GEMIN5: variants seen among roughly 807,000 people sequenced by gnomAD.
The protein encoded by GEMIN5 is gem-associated protein 5.
A neutral mutation model predicts 176.9 loss-of-function variants in GEMIN5; 124 were observed. That is an observed-to-expected ratio of 0.70 (90% CI 0.61 to 0.81). The LOEUF is 0.81. GEMIN5 is among the 40% of genes least tolerant of loss of function. The pLI is 0.00. For missense variants in GEMIN5, 1,843 were observed against 1,814.6 expected, an observed-to-expected ratio of 1.02 and a Z score of -0.28; for synonymous variants, 673 against 665.2, an observed-to-expected ratio of 1.01 and a Z score of -0.18.
chr5:154,891,178 AACC>A, intron 26 of GEMIN5, 60 bp downstream of exon 26: 2 of 1,480,002 alleles, frequency 1.4e-6, no homozygotes, highest in South Asian at 1.3e-5. Context: ...TATAGGCATG[AACC>A]ACTGTTCCTA....
chr5:154,916,634 T>C (rs1029694216), intron 13 of GEMIN5, among the ~76,000 whole-genome samples: 5 of 152,076 alleles, frequency 3.3e-5, no homozygotes, highest in Non-Finnish European at 7.4e-5. Flanking sequence ...ACTAAAGGCA[T>C]GCACCTCTAA....
At chr5:154,918,474 T>C (rs907301859) in intron 11 of GEMIN5, among the ~76,000 whole-genome samples, 1 of 152,188 alleles carries the variant, frequency 6.6e-6, no homozygotes, top group Non-Finnish European at 1.5e-5. Flanking sequence ...ACCCACCTCA[T>C]ACATGTCCAC....
At chr5:154,891,829 CA>C in intron 25 of GEMIN5, 87 bp from the exon 26 acceptor site, 1 of 1,341,350 alleles carries the variant, frequency 7.5e-7, no homozygotes, top group Non-Finnish European at 1.0e-6. Context: ...TATTTCTTAT[CA>C]ACCAAGAAGC....
rs767989826 is a variant in GEMIN5, at chr5:154,889,423, G to GA, written c.4263-7dup. On this transcript the variant is annotated splice_polypyrimidine_tract_variant and splice_region_variant and intron_variant, in intron 26 of 27. Transcript: ENST00000285873. ...GCTCATTTTTTTCTTCTTTACTAGTGAAAAAAATAAAAGGTGTAAATTGTA... is the reference window on the plus strand; with the variant it reads ...GCTCATTTTTTTCTTCTTTACTAGTGAAAAAAAATAAAAGGTGTAAATTGTA... 15 of 1,551,272 alleles carry GA rather than the reference G, an allele frequency of 9.7e-6. No homozygotes were observed. The highest frequency in any genetic ancestry group is 1.3e-5 in the Non-Finnish European group (15 of 1,124,880).
chr5:154,921,240 C>A, intron 10 of GEMIN5, 103 bp downstream of exon 10: 1 of 697,238 alleles, frequency 1.4e-6, no homozygotes, highest in South Asian at 1.6e-5. Context: ...CATAAGCAGT[C>A]AGTGCACTAG....
intron 2 of GEMIN5, among the ~76,000 whole-genome samples, chr5:154,936,327 G>C (rs996813723): frequency 2.9e-5 from 4 of 138,496 alleles, no homozygotes; most frequent in African/African-American, 1.1e-4. Context: ...TGAGGCAGGA[G>C]AATGGCGTCA....
At chr5:154,893,775 G>A (rs1399010825) in intron 24 of GEMIN5, among the ~76,000 whole-genome samples, 1 of 152,012 alleles carries the variant, frequency 6.6e-6, no homozygotes, top group Non-Finnish European at 1.5e-5. Flanking sequence ...ATGGAGTCTT[G>A]CTCTGTCGCC....
intron 12 of GEMIN5, among the ~76,000 whole-genome samples, chr5:154,917,565 G>A (rs760406270): frequency 5.1e-4 from 78 of 152,142 alleles, no homozygotes; most frequent in Non-Finnish European, 8.1e-4. Context: ...ATCAATGGCT[G>A]AATTATGACT....
intron 5 of GEMIN5, among the ~76,000 whole-genome samples, chr5:154,930,491 A>G (rs1334865058): frequency 5.9e-5 from 9 of 152,254 alleles, no homozygotes; most frequent in Non-Finnish European, 5.9e-5. Flanking sequence ...CATACACACA[A>G]TGGAATATTA....
chr5:154,906,061 A>C (rs1282043002), intron 16 of GEMIN5, among the ~76,000 whole-genome samples: 2 of 151,482 alleles, frequency 1.3e-5, no homozygotes, highest in African/African-American at 4.9e-5. Context: ...AGTGGGTGCA[A>C]TCACAGTCAC....
Position 154,896,329 on chromosome 5 carries a change from C to G in GEMIN5, c.3360G>C (p.Val1120=). 6.3e-7 allele frequency: 1 copy of G among 1,585,972 alleles called. No homozygotes were observed. The highest frequency in any genetic ancestry group is 8.6e-7 in the Non-Finnish European group (1 of 1,167,902). The change falls in exon 24 of 28, where the codon GTG becomes GTC. Residue 1120 remains valine (V), a synonymous_variant. Coordinates refer to ENST00000285873, the MANE Select transcript of GEMIN5 (RefSeq NM_015465.5). The stretch of plus-strand genomic sequence containing the variant: ...TGGACAGTAGCTCCAGAAGGCAAAA[C>G]ACCAATCTCTGACCCTGGAACACGA... ...LHESLQGQRL[V]FCLLELLSRH...
intron 23 of GEMIN5, among the ~76,000 whole-genome samples, chr5:154,898,066 A>G (rs755589855): frequency 2.0e-5 from 3 of 151,840 alleles, no homozygotes; most frequent in East Asian, 1.9e-4. Flanking sequence ...ACGCTCGGCT[A>G]ATTTTTGTAT....
chr5:154,902,432 T>A (rs906298940), intron 20 of GEMIN5, 107 bp downstream of exon 20: 2 of 1,001,464 alleles, frequency 2.0e-6, no homozygotes, highest in African/African-American at 3.2e-5. Flanking sequence ...TTGTATCTAT[T>A]TGTAAGTGAT....
chr5:154,935,072 T>A lies in GEMIN5; in HGVS notation c.509+769A>T, dbSNP rs185877584. 2.3e-3 allele frequency among the ~76,000 whole-genome samples: 352 copies of A among 152,340 alleles called. 8 individuals carry two copies. The highest frequency in any genetic ancestry group is 0.02 in the Admixed American group (301 of 15,292). On this transcript the variant is annotated intron_variant, in intron 3 of 27. Coordinates refer to ENST00000285873, the MANE Select transcript of GEMIN5 (RefSeq NM_015465.5). ...AGCAATACCCCTGCATTTATCATAGTTTACTCCTGCAACAAGCTCTTCCTC... is the reference window on the plus strand; with the variant it reads ...AGCAATACCCCTGCATTTATCATAGATTACTCCTGCAACAAGCTCTTCCTC...
At chr5:154,907,497 G>T in intron 16 of GEMIN5, 94 bp downstream of exon 16, 5 of 728,244 alleles carry the variant, frequency 6.9e-6, no homozygotes, top group Non-Finnish European at 6.8e-6. Flanking sequence ...TTGGAAAAAT[G>T]GGAACAGCGA....
intron 13 of GEMIN5, among the ~76,000 whole-genome samples, chr5:154,916,044 GT>G (rs200100728): frequency 4.0e-5 from 6 of 149,166 alleles, no homozygotes; most frequent in East Asian, 3.9e-4. Context: ...ACAGGTAACT[GT>G]TTTTTTTTTA....
chr5:154,916,289 T>C (rs1478098989), intron 13 of GEMIN5, among the ~76,000 whole-genome samples: 1 of 152,190 alleles, frequency 6.6e-6, no homozygotes, highest in African/African-American at 2.4e-5. Flanking sequence ...CTGCAAGCAC[T>C]ATATATTATA....
chr5:154,927,027 G>A (rs531291940), intron 7 of GEMIN5, among the ~76,000 whole-genome samples: 22 of 147,904 alleles, frequency 1.5e-4, no homozygotes, highest in African/African-American at 5.2e-4. Context: ...CTCCAGCCTG[G>A]GAGACAGAGC....
rs1190232872 is a variant in GEMIN5 at position 154,887,618 on chromosome 5, A to G, written c.*592T>C. On this transcript the variant is annotated 3_prime_UTR_variant, in exon 28 of 28. Coordinates refer to ENST00000285873, the MANE Select transcript of GEMIN5 (RefSeq NM_015465.5). Reference sequence around the variant, plus strand: ...GTGATCTGTTCAAATAAGCAATTACATGAAAGAATAAAACCAAATTTCCAA... The same window carrying G: ...GTGATCTGTTCAAATAAGCAATTACGTGAAAGAATAAAACCAAATTTCCAA... The G allele has an allele frequency of 2.0e-5, 3 of 152,324 alleles. No individual in the cohort carries two copies. Among genetic ancestry groups the G allele is most frequent in the Non-Finnish European group, 4.4e-5 (3 of 68,094 alleles). The allele number at this position is 152,324 out of a possible 1,614,324, so 9.4% of individuals were successfully genotyped here. A position where few individuals can be genotyped will look rare whatever the true frequency, so the allele number is the denominator to read the frequency against.
Sources: gnomAD v4.1 joint callset for allele counts (sites outside exome capture counted in the v4.1 genomes callset) on GRCh38, gnomAD v4.1.1 for gene constraint, MANE v1.5 for transcripts, NCBI Gene and HGNC (gene_info 2026-07-23, HGNC 2026-07-21) for gene names.